The following GOLGA1 variants were observed in gnomAD, a reference collection of about 807,000 sequenced individuals.
GOLGA1 encodes the protein golgin subfamily A member 1.
In GOLGA1, 63 loss-of-function variants were observed where a neutral mutation model predicts 119.7. That is an observed-to-expected ratio of 0.53 (90% CI 0.43 to 0.65). The LOEUF (loss-of-function observed/expected upper bound fraction) is 0.65. GOLGA1 is among the 30% of genes least tolerant of loss of function. GOLGA1 has a pLI of 0.00. For synonymous variants in GOLGA1, 318 were observed against 333.4 expected (o/e 0.95, Z 0.50); for missense variants, 798 against 912.8 (o/e 0.87, Z 1.62).
chr9:124,881,081 G>A lies in GOLGA1; in HGVS notation c.2223+90C>T, dbSNP rs550408236. On this transcript the variant is annotated intron_variant, in intron 22 of 22. Transcript: ENST00000373555. This position sits in a 1 kb window ranked among gnomAD's most constrained non-coding sequence, Gnocchi z 4.9. ...TGCAGCTGTGCTGGTGCCTACACTC[G>A]GGTGTGGGTCTAAGGGGTCTTACAC... 8.7e-5 allele frequency: 68 copies of A among 777,644 alleles called. No homozygotes were observed. The highest frequency in any genetic ancestry group is 4.5e-4 in the Admixed American group (25 of 55,612). The allele number at this position is 777,644 out of a possible 1,614,324, so 48.2% of individuals were successfully genotyped here.
chr9:124,921,634 G>T, intron 9 of GOLGA1, 89 bp downstream of exon 9: 1 of 1,002,238 alleles, frequency 1.0e-6, no homozygotes, highest in Non-Finnish European at 1.5e-6. Context: ...TCAGAAAGTG[G>T]TGTAATGAAC....
rs201446109 is a variant in GOLGA1 at position 124,921,785 on chromosome 9, T to C, written c.669A>G (p.Ser223=). 8.1e-6 allele frequency: 13 copies of C among 1,612,884 alleles called. No homozygotes were observed. The highest frequency in any genetic ancestry group is 1.1e-5 in the Non-Finnish European group (13 of 1,178,932). Residue 223 remains serine, a synonymous_variant, in exon 9 of 23, where the codon TCA becomes TCG. Coordinates refer to ENST00000373555, the MANE Select transcript of GOLGA1 (RefSeq NM_002077.4). ...CTTCTAGCTTCTGGCTTAAGTCTGA[T>C]GACATCTGATTGGAGTTCATCAACT... ...QEELMNSNQM[S]SDLSQKLEEL...
chr9:124,917,003 T>A (rs912684993), intron 10 of GOLGA1, among the ~76,000 whole-genome samples: 1 of 151,076 alleles, frequency 6.6e-6, no homozygotes, highest in African/African-American at 2.4e-5. Flanking sequence ...TAGCTCCAGG[T>A]ATCATATGAA....
intron 11 of GOLGA1, 74 bp downstream of exon 11, chr9:124,911,825 ACT>A (rs202227064): frequency 0.016 from 21,317 of 1,323,942 alleles, 204 homozygotes; most frequent in Non-Finnish European, 0.02. Flanking sequence ...CAGCTCTGAA[ACT>A]CTAGGAATTG....
intron 10 of GOLGA1, among the ~76,000 whole-genome samples, chr9:124,914,373 C>T (rs934109737): frequency 2.0e-5 from 3 of 152,178 alleles, no homozygotes; most frequent in Middle Eastern, 3.4e-3. Flanking sequence ...TGGTGGCAGG[C>T]GCCTGTAGTC....
At chr9:124,924,481 A>C (rs1164365940) in intron 7 of GOLGA1, among the ~76,000 whole-genome samples, 1 of 151,652 alleles carries the variant, frequency 6.6e-6, no homozygotes, top group Non-Finnish European at 1.5e-5. Context: ...AATACAAAAA[A>C]ATTAGCCAGG....
At chr9:124,944,100 A>G (rs1831101923), upstream of GOLGA1, 1 of 152,224 alleles carries the variant, frequency 6.6e-6, no homozygotes, top group African/African-American at 2.4e-5. Context: ...ATTGTTGAAC[A>G]GCAAGGTTTA....
chr9:124,909,694 T>G (rs969095784), intron 11 of GOLGA1, among the ~76,000 whole-genome samples: 2 of 151,992 alleles, frequency 1.3e-5, no homozygotes, highest in Admixed American at 1.3e-4. Flanking sequence ...GTTGCACAGA[T>G]TTGAGGCCTT....
At chr9:124,922,201 C>T (rs1430964693) in intron 8 of GOLGA1, among the ~76,000 whole-genome samples, 3 of 145,866 alleles carry the variant, frequency 2.1e-5, no homozygotes, top group African/African-American at 5.1e-5. Context: ...GCACTCCAGC[C>T]TGGGTGACAG....
intron 1 of GOLGA1, chr9:124,947,493 A>G (rs1481475405): frequency 1.3e-5 from 2 of 152,208 alleles, no homozygotes; most frequent in Non-Finnish European, 1.5e-5. Flanking sequence ...AGGCTTATGA[A>G]TGAGATACAG....
chr9:124,935,804 C>T (rs1359747603), intron 3 of GOLGA1, among the ~76,000 whole-genome samples: 1 of 150,334 alleles, frequency 6.7e-6, no homozygotes, highest in African/African-American at 2.4e-5. Flanking sequence ...AGCCATAATA[C>T]GTGTTGACTG....
intron 15 of GOLGA1, among the ~76,000 whole-genome samples, chr9:124,896,368 G>A (rs1829987518): frequency 6.6e-6 from 1 of 152,186 alleles, no homozygotes; most frequent in Non-Finnish European, 1.5e-5. Flanking sequence ...GGCCAAGATC[G>A]TTCCACTACA....
At chr9:124,928,627 C>T (rs1266568383) in intron 5 of GOLGA1, among the ~76,000 whole-genome samples, 1 of 152,100 alleles carries the variant, frequency 6.6e-6, no homozygotes, top group African/African-American at 2.4e-5. Context: ...TAAGTGATGG[C>T]TACTACCACT....
In GOLGA1 at chr9:124,899,237, A is replaced by G. The variant is rs1257474029; in HGVS notation, c.1311+92T>C. The stretch of plus-strand genomic sequence containing the variant: ...GCCTTCTAAAGTGGTTTCCTAGTGC[A>G]GAGGTGGTGACACACTGTCAAGCAC... On this transcript the variant is annotated intron_variant, in intron 14 of 22. Coordinates refer to ENST00000373555, the MANE Select transcript of GOLGA1 (RefSeq NM_002077.4). 7 of 1,199,760 alleles carry G rather than the reference A, an allele frequency of 5.8e-6. No homozygotes were observed. The East Asian group carries it at 1.8e-4, about 31-fold the overall frequency. 74.3% of individuals were successfully genotyped at this position (1,199,760 alleles called of 1,614,324 possible).
chr9:124,887,265 A>G (rs1373198531), intron 19 of GOLGA1: 1 of 152,566 alleles, frequency 6.6e-6, no homozygotes, highest in Non-Finnish European at 1.5e-5. Flanking sequence ...GGGTTGAGCA[A>G]TGCGAGCTGA....
chr9:124,900,135 C>G, intron 13 of GOLGA1: 2 of 248,360 alleles, frequency 8.1e-6, no homozygotes, highest in Non-Finnish European at 7.8e-6. Context: ...TTGTTCTCCC[C>G]GCCCCTGATT....
chr9:124,937,679 C>G (rs1830904176), intron 3 of GOLGA1, among the ~76,000 whole-genome samples: 1 of 151,812 alleles, frequency 6.6e-6, no homozygotes, highest in African/African-American at 2.4e-5. Context: ...TTAAGAGGAT[C>G]CTGTCATATG....
Position 124,881,981 on chromosome 9 carries a change from C to A in GOLGA1, c.1966-27G>T. Reference sequence around the variant, plus strand: ...TGAAAAACCAGTGGGAAAGATGCTACACCGAACCCTCTGAGACAGGTGGAA... The same window carrying A: ...TGAAAAACCAGTGGGAAAGATGCTAAACCGAACCCTCTGAGACAGGTGGAA... On this transcript the variant is annotated intron_variant, in intron 20 of 22. Transcript: ENST00000373555. This position sits in a 1 kb window ranked among gnomAD's most constrained non-coding sequence, Gnocchi z 4.9. 1 of 1,557,738 alleles carries A rather than the reference C, an allele frequency of 6.4e-7. No individual in the cohort carries two copies. Among genetic ancestry groups the A allele is most frequent in the Admixed American group, 1.8e-5 (1 of 55,446 alleles).
chr9:124,888,462 A>G lies in GOLGA1; in HGVS notation c.1762-66T>C. 3.5e-6 allele frequency: 5 copies of G among 1,443,878 alleles called. No individual in the cohort carries two copies. The South Asian group carries it at 4.6e-5, about 13-fold the overall frequency. 89.4% of individuals were successfully genotyped at this position (1,443,878 alleles called of 1,614,324 possible). ...AGGTGAAGCTGAGCCACAGGTACACAGGGAAGGGGAGCTAGACTCGTCCCT... is the reference window on the plus strand; with the variant it reads ...AGGTGAAGCTGAGCCACAGGTACACGGGGAAGGGGAGCTAGACTCGTCCCT... On this transcript the variant is annotated intron_variant, in intron 18 of 22. Coordinates refer to ENST00000373555, the MANE Select transcript of GOLGA1 (RefSeq NM_002077.4). This position sits in a 1 kb window ranked among gnomAD's most constrained non-coding sequence, Gnocchi z 4.4.
Sources: allele counts gnomAD v4.1 joint callset (sites outside exome capture counted in the v4.1 genomes callset), GRCh38; gene constraint gnomAD v4.1.1; non-coding constraint Gnocchi (gnomAD v3.1); transcripts MANE v1.5; gene names NCBI Gene and HGNC (gene_info 2026-07-23, HGNC 2026-07-21).